Variants in ADAM32 observed in about 807,000 individuals in gnomAD.
ADAM32 encodes ADAM metallopeptidase domain 32.
A neutral mutation model predicts 114.9 loss-of-function variants in ADAM32; 89 were observed. That is an observed-to-expected ratio of 0.77 (90% confidence interval 0.65 to 0.92). ADAM32 has a LOEUF of 0.92. Ranked by LOEUF, ADAM32 falls within the 40% of genes least tolerant of loss-of-function variation. The pLI, the probability that ADAM32 is intolerant of heterozygous loss-of-function variation, is 0.00. For missense variants in ADAM32, 870 were observed against 932.8 expected (o/e 0.93, Z 0.88); for synonymous variants, 285 against 307.5 (o/e 0.93, Z 0.77).
At chr8:39,108,498 AT>A (rs1401817543) in intron 1 of ADAM32, among the ~76,000 whole-genome samples, 1 of 152,188 alleles carries the variant, frequency 6.6e-6, no homozygotes, top group African/African-American at 2.4e-5. Flanking sequence ...CAGCAAAATG[AT>A]TGAAAAACTG....
chr8:39,266,887 T>C (rs1812395236), intron 19 of ADAM32, among the ~76,000 whole-genome samples: 1 of 152,216 alleles, frequency 6.6e-6, no homozygotes, highest in Non-Finnish European at 1.5e-5. Flanking sequence ...GCTTAGGCAA[T>C]TGGCTTCATT....
chr8:39,267,774 C>T (rs977704809), intron 19 of ADAM32, among the ~76,000 whole-genome samples: 12 of 152,166 alleles, frequency 7.9e-5, no homozygotes, highest in Admixed American at 2.0e-4. Flanking sequence ...TAAGCTGAAC[C>T]CGGTTGGCTA....
chr8:39,153,638 C>G (rs1344600688), intron 6 of ADAM32, among the ~76,000 whole-genome samples: 1 of 152,180 alleles, frequency 6.6e-6, no homozygotes, highest in African/African-American at 2.4e-5. Context: ...GCACAACTTA[C>G]ACACCAGATT....
chr8:39,187,231 T>A (rs1411234666), intron 11 of ADAM32, among the ~76,000 whole-genome samples, 186 bp downstream of exon 11: 11 of 152,138 alleles, frequency 7.2e-5, no homozygotes, highest in Non-Finnish European at 2.9e-5. Context: ...AGATAACAAA[T>A]CCAATCTGAA....
At chr8:39,207,505 T>C (rs1038147935) in intron 11 of ADAM32, among the ~76,000 whole-genome samples, 10 of 152,214 alleles carry the variant, frequency 6.6e-5, no homozygotes, top group African/African-American at 2.4e-4. Flanking sequence ...ATGATGAAAT[T>C]AGGGTAATTC....
At chr8:39,274,274 A>C in intron 20 of ADAM32, 38 bp from the exon 21 acceptor site, 1 of 1,606,076 alleles carries the variant, frequency 6.2e-7, no homozygotes, top group Non-Finnish European at 8.5e-7. Context: ...AAGTTTTCTT[A>C]GTACTAACTT....
chr8:39,107,552 TG>T, upstream of ADAM32: 2 of 1,306,392 alleles, frequency 1.5e-6, no homozygotes, highest in African/African-American at 1.5e-5. Flanking sequence ...ACCACGCGGC[TG>T]GGGTGCGCCG....
At chr8:39,162,415 G>A (rs1049241973) in intron 7 of ADAM32, among the ~76,000 whole-genome samples, 3 of 151,968 alleles carry the variant, frequency 2.0e-5, no homozygotes, top group Non-Finnish European at 2.9e-5. Context: ...TATCATTGTT[G>A]GACATTTGGG....
chr8:39,239,347 G>A (rs1810402141), intron 16 of ADAM32, among the ~76,000 whole-genome samples: 1 of 152,114 alleles, frequency 6.6e-6, no homozygotes, highest in Non-Finnish European at 1.5e-5. Flanking sequence ...GAAAGATAAA[G>A]TCTTTTTCAG....
At chr8:39,171,761 T>C (rs1407620771) in intron 10 of ADAM32, among the ~76,000 whole-genome samples, 1 of 151,564 alleles carries the variant, frequency 6.6e-6, no homozygotes, top group African/African-American at 2.4e-5. Context: ...ATATTACATT[T>C]GATATGTTGA....
intron 6 of ADAM32, chr8:39,157,634 G>A: frequency 1.7e-6 from 1 of 600,980 alleles, no homozygotes; most frequent in Non-Finnish European, 3.1e-6. Flanking sequence ...AAATTTAAAG[G>A]TAGTGTCAAT....
In ADAM32 at chr8:39,118,071, T is replaced by A; in HGVS notation, c.59-15T>A. ...AGGCAAGGTTACTAACTTTTTTTTT[T>A]TTTTATCTCTTCAGGTTTTCAAAAT... is the stretch of plus-strand genomic sequence containing the variant. On this transcript the variant is annotated splice_polypyrimidine_tract_variant and intron_variant, in intron 1 of 24. Coordinates refer to ENST00000379907, the MANE Select transcript of ADAM32 (RefSeq NM_145004.7). 7.0e-7 allele frequency: 1 copy of A among 1,423,988 alleles called. No homozygotes were observed. Among genetic ancestry groups the A allele is most frequent in the Non-Finnish European group, 9.3e-7 (1 of 1,071,022 alleles). The allele number at this position is 1,423,988 out of a possible 1,614,324, so 88.2% of individuals were successfully genotyped here. A position where few individuals can be genotyped will look rare whatever the true frequency, so the allele number is the denominator to read the frequency against.
chr8:39,274,797 A>G (rs1208167537), intron 21 of ADAM32, among the ~76,000 whole-genome samples: 1 of 152,244 alleles, frequency 6.6e-6, no homozygotes, highest in East Asian at 1.9e-4. Flanking sequence ...ATCAGAGAGC[A>G]ATGCATTACT....
intron 3 of ADAM32, among the ~76,000 whole-genome samples, chr8:39,145,829 C>A (rs1177114407): frequency 6.6e-6 from 1 of 152,088 alleles, no homozygotes; most frequent in Non-Finnish European, 1.5e-5. Flanking sequence ...ACTCCTGGCT[C>A]AAGTGATCCT....
Position 39,234,064 on chromosome 8 carries a change from T to C in ADAM32, c.1800T>C (p.Ser600=). 1 of 1,476,798 alleles carries C rather than the reference T, an allele frequency of 6.8e-7. No individual in the cohort carries two copies. The allele number at this position is 1,476,798 out of a possible 1,614,324, so 91.5% of individuals were successfully genotyped here. ...ATCCACTGGCTGTCAAAAATGGCTC[T>C]CAGTGTGATATTGGGAGGGTAAATA... The part of the protein sequence containing the change: ...VPDPLAVKNG[S]QCDIGRVCVN... The change falls in exon 16 of 25, where the codon TCT becomes TCC. Residue 600 remains serine, a synonymous_variant. Transcript: ENST00000379907.
intron 10 of ADAM32, among the ~76,000 whole-genome samples, chr8:39,178,928 G>A (rs1400272661): frequency 2.0e-5 from 3 of 152,108 alleles, no homozygotes; most frequent in Admixed American, 6.5e-5. Context: ...TCCCAGGAGG[G>A]CACTGACCTT....
chr8:39,281,197 C>T, intron 23 of ADAM32, 23 bp downstream of exon 23: 1 of 1,308,558 alleles, frequency 7.6e-7, no homozygotes, highest in South Asian at 2.0e-5. Flanking sequence ...GAAAGTGTTA[C>T]TTATAAATAA....
chr8:39,144,770 C>T (rs1480664661), intron 3 of ADAM32, among the ~76,000 whole-genome samples: 16 of 152,210 alleles, frequency 1.1e-4, no homozygotes, highest in Non-Finnish European at 2.4e-4. Flanking sequence ...TATTTTCCTT[C>T]ACCTCTTCTA....
At chr8:39,113,835 G>A (rs910966453) in intron 1 of ADAM32, among the ~76,000 whole-genome samples, 1 of 152,186 alleles carries the variant, frequency 6.6e-6, no homozygotes, top group African/African-American at 2.4e-5. Flanking sequence ...TTGACAGCTT[G>A]AAGGGAAGGT....
Sources: allele counts gnomAD v4.1 joint callset (sites outside exome capture counted in the v4.1 genomes callset), GRCh38; gene constraint gnomAD v4.1.1; transcripts MANE v1.5; gene names NCBI Gene and HGNC (gene_info 2026-07-23, HGNC 2026-07-21).